Variants in CBLB observed in about 807,000 individuals in gnomAD.
CBLB encodes E3 ubiquitin-protein ligase CBL-B.
CBLB carries 31 observed loss-of-function variants against 104.9 expected under a neutral mutation model. The observed-to-expected ratio is 0.30, with a 90% CI of 0.22 to 0.40. The LOEUF (loss-of-function observed/expected upper bound fraction) is 0.40, where lower values mean the gene tolerates loss of function less well. Ranked by LOEUF, CBLB falls within the 10% of genes least tolerant of loss-of-function variation. The pLI, the probability that CBLB is intolerant of heterozygous loss-of-function variation, is 1.00. For missense variants in CBLB, 1,062 were observed against 1,214.6 expected, an observed-to-expected ratio of 0.87 and a Z score of 1.87; for synonymous variants, 440 against 422.6, an observed-to-expected ratio of 1.04 and a Z score of -0.51.
At chr3:105,699,395 G>A (rs1252388249) in intron 12 of CBLB, among the ~76,000 whole-genome samples, 1 of 151,992 alleles carries the variant, frequency 6.6e-6, no homozygotes, top group African/African-American at 2.4e-5. Context: ...CTAGATACCA[G>A]GTATTATTAT....
intron 10 of CBLB, among the ~76,000 whole-genome samples, chr3:105,712,209 A>G (rs995566586): frequency 1.3e-5 from 2 of 152,126 alleles, no homozygotes; most frequent in Non-Finnish European, 2.9e-5. Flanking sequence ...TACTTTAAAC[A>G]TTTACACAAA....
intron 2 of CBLB, among the ~76,000 whole-genome samples, chr3:105,860,836 A>C (rs1289988893): frequency 3.3e-5 from 5 of 152,230 alleles, no homozygotes; most frequent in Non-Finnish European, 7.3e-5. Flanking sequence ...TTCTGTGCAG[A>C]AAAGCAGGAA....
At chr3:105,789,413 C>T (rs1021076585) in intron 3 of CBLB, among the ~76,000 whole-genome samples, 23 of 152,004 alleles carry the variant, frequency 1.5e-4, no homozygotes, top group Admixed American at 3.3e-4. Flanking sequence ...GATAAAAAAA[C>T]CAACCAGGGA....
intron 3 of CBLB, among the ~76,000 whole-genome samples, chr3:105,816,871 A>G (rs2085132306): frequency 6.6e-6 from 1 of 151,730 alleles, no homozygotes; most frequent in South Asian, 2.1e-4. Flanking sequence ...TGACAACTCC[A>G]CCACAATTCT....
At chr3:105,725,506 G>T (rs1371111039) in intron 9 of CBLB, among the ~76,000 whole-genome samples, 1 of 152,174 alleles carries the variant, frequency 6.6e-6, no homozygotes, top group African/African-American at 2.4e-5. Context: ...TTAGACTTAA[G>T]AATCAAGCAC....
intron 17 of CBLB, among the ~76,000 whole-genome samples, chr3:105,675,943 T>A: frequency 6.9e-6 from 1 of 144,712 alleles, no homozygotes; most frequent in African/African-American, 2.5e-5. Context: ...AAATCTGTCA[T>A]GTAAATGATT....
rs546031731 is a variant in CBLB, at chr3:105,666,559, G to T, written c.2689+3674C>A. Among the ~76,000 whole-genome samples the T allele has an allele frequency of 5.3e-5, 8 of 152,162 alleles. No individual in the cohort carries two copies. In the South Asian group the frequency reaches 1.5e-3, roughly 28 times the overall value. On this transcript the variant is annotated intron_variant, in intron 18 of 18. Coordinates refer to ENST00000394030, the MANE Select transcript of CBLB (RefSeq NM_170662.5). ...AAATTAGCCGGGCATGATGGTGGAT[G>T]CCTGTAATCCCAGCTACTCGGGAAG...
intron 5 of CBLB, among the ~76,000 whole-genome samples, chr3:105,749,018 T>C (rs1473509164): frequency 6.6e-6 from 1 of 152,200 alleles, no homozygotes; most frequent in Non-Finnish European, 1.5e-5. Flanking sequence ...TAGCAAAACA[T>C]ATTTTCATAC....
chr3:105,761,282 T>C (rs1342472382), intron 4 of CBLB, among the ~76,000 whole-genome samples: 1 of 152,218 alleles, frequency 6.6e-6, no homozygotes, highest in Non-Finnish European at 1.5e-5. Flanking sequence ...TCCACCTGCC[T>C]TGGCCTCCCA....
intron 3 of CBLB, among the ~76,000 whole-genome samples, chr3:105,777,779 A>G (rs1287285124): frequency 1.3e-5 from 2 of 152,224 alleles, no homozygotes; most frequent in Admixed American, 1.3e-4. Flanking sequence ...GCTCTATTCT[A>G]ATTTCCATGT....
At chr3:105,766,716 C>T (rs528343645) in intron 4 of CBLB, among the ~76,000 whole-genome samples, 1 of 152,250 alleles carries the variant, frequency 6.6e-6, no homozygotes, top group African/African-American at 2.4e-5. Flanking sequence ...ATAAATACAA[C>T]TTCTATATTC....
At position 105,659,036 on chromosome 3, in the gene CBLB, T is replaced by G; in HGVS notation, c.2883A>C (p.Glu961Asp). 1 of 1,614,054 alleles carries G rather than the reference T, an allele frequency of 6.2e-7. No homozygotes were observed. The highest frequency in any genetic ancestry group is 8.5e-7 in the Non-Finnish European group (1 of 1,179,938). Reference protein sequence around the residue: ...RALEIAQNNVEVARSILREFA... With the variant: ...RALEIAQNNVDVARSILREFA... ...ATTCTCGGAGGATGCTCCGGGCAAC[T>G]TCGACATTATTCTGGGCTATCTCTA... is the stretch of plus-strand genomic sequence containing the variant. The change falls in exon 19 of 19, where the codon GAA (glutamate) becomes GAC (aspartate). Residue 961 changes from glutamate to aspartate, a missense_variant. Around this residue, in one of 2 missense-constraint regions of CBLB, gnomAD observed 605 missense variants for 582.6 expected, o/e 1.04. Coordinates refer to ENST00000394030, the MANE Select transcript of CBLB (RefSeq NM_170662.5).
intron 4 of CBLB, among the ~76,000 whole-genome samples, chr3:105,758,603 G>A (rs1226528071): frequency 6.6e-5 from 10 of 152,240 alleles, no homozygotes; most frequent in Admixed American, 4.6e-4. Flanking sequence ...TGCCAAGGAC[G>A]AGTCAGATGC....
intron 3 of CBLB, among the ~76,000 whole-genome samples, chr3:105,844,301 C>T (rs191458020): frequency 1.3e-5 from 2 of 152,300 alleles, no homozygotes; most frequent in East Asian, 3.9e-4. Context: ...GTTTAAGCCA[C>T]CCAGTATGTG....
chr3:105,742,334 T>C (rs1036021148), intron 6 of CBLB, among the ~76,000 whole-genome samples: 1 of 152,236 alleles, frequency 6.6e-6, no homozygotes, highest in Non-Finnish European at 1.5e-5. Context: ...CTGCAGTCAC[T>C]GGATTTAATT....
upstream of CBLB, chr3:105,869,326 A>G (rs1408521206): frequency 7.8e-7 from 1 of 1,284,810 alleles, no homozygotes; most frequent in Non-Finnish European, 1.0e-6. Flanking sequence ...GCAAGGCACG[A>G]AGGAGCTAAC....
intron 16 of CBLB, 92 bp downstream of exon 16, chr3:105,681,387 G>A: frequency 2.2e-6 from 3 of 1,336,020 alleles, no homozygotes; most frequent in South Asian, 1.2e-5. Flanking sequence ...ACAACCCAGT[G>A]AGTCTGTGTT....
intron 3 of CBLB, among the ~76,000 whole-genome samples, chr3:105,788,270 TG>T (rs1209206449): frequency 6.6e-6 from 1 of 152,098 alleles, no homozygotes; most frequent in East Asian, 1.9e-4. Context: ...CCTCAGATAT[TG>T]GCTTTGGAGC....
intron 2 of CBLB, among the ~76,000 whole-genome samples, chr3:105,860,533 T>C (rs934066198): frequency 1.3e-5 from 2 of 152,172 alleles, no homozygotes; most frequent in African/African-American, 4.8e-5. Context: ...CTTTACAACC[T>C]TGGGCAGGGT....
Sources: gnomAD v4.1 joint callset for allele counts (sites outside exome capture counted in the v4.1 genomes callset) on GRCh38, gnomAD v4.1.1 for gene constraint, gnomAD v4.1.1 regional missense constraint, MANE v1.5 for transcripts, NCBI Gene and HGNC (gene_info 2026-07-23, HGNC 2026-07-21) for gene names.